SPATS2L: variants seen among roughly 807,000 people sequenced by gnomAD.
SPATS2L encodes spermatogenesis associated serine rich 2 like.
SPATS2L carries 30 observed loss-of-function variants against 59.6 expected under a neutral mutation model. The observed-to-expected ratio is 0.50, with a 90% CI of 0.38 to 0.68. The LOEUF is 0.68. Ranked by LOEUF, SPATS2L falls within the 30% of genes least tolerant of loss-of-function variation. The probability of loss-of-function intolerance (pLI) is 0.00; values close to 1 mark genes in which losing one functional copy is unlikely to be tolerated. For missense variants in SPATS2L, 615 were observed against 700.0 expected, an observed-to-expected ratio of 0.88 and a Z score of 1.37; for synonymous variants, 252 against 263.5, an observed-to-expected ratio of 0.96 and a Z score of 0.42.
At chr2:200,468,358 A>ACACACACACACACACACACACACACACAC (rs2086756660) in intron 10 of SPATS2L, among the ~76,000 whole-genome samples, 1 of 149,190 alleles carries the variant, frequency 6.7e-6, no homozygotes, top group Non-Finnish European at 1.5e-5. Flanking sequence ...ACACACACAC[A>ACACACACACACACACACACACACACACAC]CACACACACA....
At chr2:200,383,503 A>ATTT (rs2105914660) in intron 2 of SPATS2L, among the ~76,000 whole-genome samples, 1 of 152,306 alleles carries the variant, frequency 6.6e-6, no homozygotes, top group Non-Finnish European at 1.5e-5. Flanking sequence ...CATGAAAATG[A>ATTT]CCTGGGAGTC....
intron 3 of SPATS2L, among the ~76,000 whole-genome samples, chr2:200,392,464 T>C (rs1029640857): frequency 4.6e-5 from 7 of 152,202 alleles, no homozygotes; most frequent in Admixed American, 4.6e-4. Flanking sequence ...ACCTTAATAA[T>C]ATCCTTTGTA....
At chr2:200,436,540 G>A (rs2084306475) in intron 6 of SPATS2L, among the ~76,000 whole-genome samples, 1 of 152,168 alleles carries the variant, frequency 6.6e-6, no homozygotes, top group African/African-American at 2.4e-5. Context: ...GATGGGGAAT[G>A]TTGAAACGAA....
intron 8 of SPATS2L, among the ~76,000 whole-genome samples, chr2:200,441,467 A>G (rs1173442191): frequency 2.6e-5 from 4 of 152,210 alleles, no homozygotes; most frequent in Non-Finnish European, 5.9e-5. Flanking sequence ...CAGAAGTTAA[A>G]GACAAAAGAG....
At chr2:200,322,485 A>G (rs1383166115) in intron 1 of SPATS2L, among the ~76,000 whole-genome samples, 3 of 152,354 alleles carry the variant, frequency 2.0e-5, no homozygotes, top group Non-Finnish European at 2.9e-5. Flanking sequence ...GAGCTGTAAT[A>G]ATTGCTATAG....
intron 6 of SPATS2L, among the ~76,000 whole-genome samples, chr2:200,423,027 G>A (rs909964379): frequency 1.4e-4 from 21 of 152,134 alleles, no homozygotes; most frequent in African/African-American, 4.1e-4. Context: ...GGCAGGTATC[G>A]TATATGGCAT....
At chr2:200,323,331 C>A (rs2079626404) in intron 1 of SPATS2L, among the ~76,000 whole-genome samples, 1 of 152,148 alleles carries the variant, frequency 6.6e-6, no homozygotes, top group South Asian at 2.1e-4. Flanking sequence ...ACCATTGGTT[C>A]ACCCAAAAGT....
intron 3 of SPATS2L, chr2:200,389,905 C>T (rs1173711774): frequency 6.6e-6 from 1 of 152,348 alleles, no homozygotes; most frequent in East Asian, 1.9e-4. Context: ...CCTCACTTGC[C>T]ACATATGCTG....
chr2:200,364,263 A>G (rs1212148913), intron 2 of SPATS2L, among the ~76,000 whole-genome samples: 2 of 152,214 alleles, frequency 1.3e-5, no homozygotes, highest in Admixed American at 6.5e-5. Flanking sequence ...AATGTGTGCT[A>G]ATGTGTTACA....
At position 200,306,836 on chromosome 2, in the gene SPATS2L, CGCCACCGCCGCGGCGCCTCCCCTG is replaced by C. The variant is rs2079030527; in HGVS notation, c.-156_-133del. 1 of 980,648 alleles carries C rather than the reference CGCCACCGCCGCGGCGCCTCCCCTG, an allele frequency of 1.0e-6. No homozygotes were observed. 60.7% of individuals were successfully genotyped at this position (980,648 alleles called of 1,614,324 possible). On this transcript the variant is annotated 5_prime_UTR_variant, in exon 1 of 13. Transcript: ENST00000409140. ...GGCCCGCCCTCCGAGCCGCAGGGGC[CGCCACCGCCGCGGCGCCTCCCCTG>C]GCGACCGCGCCCCCGGGCCCCGGCT...
chr2:200,338,686 A>G (rs1474323047), intron 2 of SPATS2L, among the ~76,000 whole-genome samples: 1 of 152,236 alleles, frequency 6.6e-6, no homozygotes, highest in African/African-American at 2.4e-5. Flanking sequence ...ATCTTACCAT[A>G]CTAAGAATGT....
rs184493216 is a variant in SPATS2L at position 200,358,008 on chromosome 2, T to G, written c.-23+28528T>G. Among the ~76,000 whole-genome samples the G allele has an allele frequency of 3.0e-3, 460 of 152,270 alleles. 2 individuals carry two copies. Among genetic ancestry groups the G allele is most frequent in the African/African-American group, 0.011 (441 of 41,560 alleles). On this transcript the variant is annotated intron_variant, in intron 2 of 12. Transcript: ENST00000409140. ...CTGATGTTAAGCAGCTACTGTTCTG[T>G]CACTTGCCAAACATTCCTGTTACAG...
At chr2:200,311,921 A>G (rs2079204859) in intron 1 of SPATS2L, among the ~76,000 whole-genome samples, 1 of 152,196 alleles carries the variant, frequency 6.6e-6, no homozygotes, top group Admixed American at 6.5e-5. Context: ...TATTGGGAAT[A>G]TAAGGATGGG....
intron 1 of SPATS2L, among the ~76,000 whole-genome samples, chr2:200,311,496 C>A (rs904697148): frequency 4.6e-5 from 7 of 152,188 alleles, no homozygotes; most frequent in African/African-American, 1.7e-4. Flanking sequence ...ATACGTCAAA[C>A]AATTAGGCTA....
At position 200,444,059 on chromosome 2, in the gene SPATS2L, C is replaced by A. The variant is rs548254754; in HGVS notation, c.788+3275C>A. On this transcript the variant is annotated intron_variant, in intron 8 of 12. Coordinates refer to ENST00000409140, the MANE Select transcript of SPATS2L (RefSeq NM_001100423.2). ...GAATAAAGATGATACAATGCTCTCA[C>A]AATGCATCTTAACAGAAAATAAATT... is the stretch of plus-strand genomic sequence containing the variant. 3.3e-5 allele frequency among the ~76,000 whole-genome samples: 5 copies of A among 152,352 alleles called. No homozygotes were observed. In the South Asian group the frequency reaches 1.0e-3, roughly 32 times the overall value.
Position 200,352,311 on chromosome 2 carries a change from TTTTATATATATATATATATATATATATA to T in SPATS2L, c.-23+22833_-23+22860del, listed in dbSNP as rs1309746304. 1.6e-3 allele frequency among the ~76,000 whole-genome samples: 191 copies of T among 121,980 alleles called. 9 individuals are homozygous for T. The highest frequency in any genetic ancestry group is 4.4e-3 in the African/African-American group (95 of 21,620). The allele number at this position is 121,980 out of a possible 152,430, so 80.0% of individuals were successfully genotyped here. A position where few individuals can be genotyped will look rare whatever the true frequency, so the allele number is the denominator to read the frequency against. On this transcript the variant is annotated intron_variant, in intron 2 of 12. Transcript: ENST00000409140. ...GTTTTGAGGCTATATAACCAGCAGTTTTTATATATATATATATATATATATATATATATATATATATATATATATATAT... is the reference window on the plus strand; with the variant it reads ...GTTTTGAGGCTATATAACCAGCAGTTTATATATATATATATATATATATAT...
chr2:200,442,906 G>A (rs148164585), intron 8 of SPATS2L, among the ~76,000 whole-genome samples: 9 of 152,238 alleles, frequency 5.9e-5, no homozygotes, highest in East Asian at 1.9e-4. Flanking sequence ...CTGAATGAGC[G>A]CTGCCAAGTA....
chr2:200,306,760 A>T lies in SPATS2L; in HGVS notation c.-235A>T, dbSNP rs994887085. On this transcript the variant is annotated 5_prime_UTR_variant, in exon 1 of 13. Coordinates refer to ENST00000409140, the MANE Select transcript of SPATS2L (RefSeq NM_001100423.2). ...TGCGCCCTCCGCTGCAAGCGCCGGC[A>T]GCGCGGGGCGAGCTCCGGACGGCGC... 2 of 982,412 alleles carry T rather than the reference A, an allele frequency of 2.0e-6. No homozygotes were observed. Among genetic ancestry groups the T allele is most frequent in the African/African-American group, 1.8e-5 (1 of 56,926 alleles). 60.9% of individuals were successfully genotyped at this position (982,412 alleles called of 1,614,324 possible). A position where few individuals can be genotyped will look rare whatever the true frequency, so the allele number is the denominator to read the frequency against.
chr2:200,396,064 ATATT>A (rs1333915617), intron 3 of SPATS2L, among the ~76,000 whole-genome samples: 4,969 of 69,844 alleles, frequency 0.071, 951 homozygotes, highest in Non-Finnish European at 0.11. Context: ...ATATATATAT[ATATT>A]TTCCCATAGA....
Sources: gnomAD v4.1 joint callset for allele counts (sites outside exome capture counted in the v4.1 genomes callset) on GRCh38, gnomAD v4.1.1 for gene constraint, MANE v1.5 for transcripts, NCBI Gene and HGNC (gene_info 2026-07-23, HGNC 2026-07-21) for gene names.